Variants in TIPARP observed in about 807,000 individuals in gnomAD.
TIPARP encodes protein mono-ADP-ribosyltransferase TIPARP.
Under a neutral mutation model 56.5 loss-of-function variants are expected in TIPARP, and 12 were observed. The observed-to-expected ratio is 0.21, with a 90% confidence interval of 0.14 to 0.34. The LOEUF is 0.34. Ranked by LOEUF, TIPARP falls within the 10% of genes least tolerant of loss-of-function variation. TIPARP has a pLI of 1.00. For missense variants in TIPARP, 604 were observed against 781.6 expected, an observed-to-expected ratio of 0.77 and a Z score of 2.71; for synonymous variants, 296 against 265.7, an observed-to-expected ratio of 1.11 and a Z score of -1.11.
At chr3:156,701,949 G>A (rs1395830292) in intron 4 of TIPARP, among the ~76,000 whole-genome samples, 2 of 151,586 alleles carry the variant, frequency 1.3e-5, no homozygotes, top group African/African-American at 4.8e-5. Flanking sequence ...GGTTAGAGAC[G>A]GCAGTCATGC....
chr3:156,698,341 GACAAA>G (rs1722769551), intron 4 of TIPARP, among the ~76,000 whole-genome samples: 1 of 152,188 alleles, frequency 6.6e-6, no homozygotes, highest in Non-Finnish European at 1.5e-5. Context: ...TTTCAGTGTA[GACAAA>G]ACAAACTTAT....
intron 2 of TIPARP, among the ~76,000 whole-genome samples, chr3:156,682,472 C>T (rs1051143490): frequency 6.6e-6 from 1 of 152,180 alleles, no homozygotes; most frequent in East Asian, 1.9e-4. Flanking sequence ...TTTTTAAACT[C>T]TGTCCAAGGG....
Position 156,706,760 on chromosome 3 carries a change from A to T in TIPARP, c.*1629A>T, listed in dbSNP as rs1293406862. 6.6e-6 allele frequency: 1 copy of T among 152,508 alleles called. No homozygotes were observed. The highest frequency in any genetic ancestry group is 1.5e-5 in the Non-Finnish European group (1 of 68,032). 9.4% of individuals were successfully genotyped at this position (152,508 alleles called of 1,614,324 possible). A position where few individuals can be genotyped will look rare whatever the true frequency, so the allele number is the denominator to read the frequency against. The stretch of plus-strand genomic sequence containing the variant: ...CTAAGCAAAAATAAAACTTATGGTA[A>T]TTCTTTAAAATTTGTTGTTGTTTTG... On this transcript the variant is annotated 3_prime_UTR_variant, in exon 6 of 6. Coordinates refer to ENST00000295924, the MANE Select transcript of TIPARP (RefSeq NM_015508.5).
At chr3:156,678,701 C>A in intron 2 of TIPARP, 87 bp downstream of exon 2, 2 of 1,172,286 alleles carry the variant, frequency 1.7e-6, no homozygotes, top group South Asian at 1.6e-5. Flanking sequence ...TGGTTTCTTT[C>A]AGTAGTAACA....
At chr3:156,694,720 GC>G (rs1722669118) in intron 3 of TIPARP, among the ~76,000 whole-genome samples, 1 of 152,184 alleles carries the variant, frequency 6.6e-6, no homozygotes, top group African/African-American at 2.4e-5. Context: ...AGTGATAATA[GC>G]CCTTCAGTCT....
At chr3:156,691,130 C>T (rs1455313384) in intron 2 of TIPARP, among the ~76,000 whole-genome samples, 1 of 152,148 alleles carries the variant, frequency 6.6e-6, no homozygotes, top group Admixed American at 6.6e-5. Flanking sequence ...TAGTACCAAT[C>T]CTGTCTCCAC....
intron 2 of TIPARP, chr3:156,681,276 A>G (rs1722297419): frequency 1.8e-5 from 8 of 447,560 alleles, no homozygotes; most frequent in Non-Finnish European, 3.2e-5. Flanking sequence ...CAGATTGCGC[A>G]TAACCAGGAA....
chr3:156,699,948 G>A (rs1458228359), intron 4 of TIPARP, among the ~76,000 whole-genome samples: 1 of 152,140 alleles, frequency 6.6e-6, no homozygotes, highest in Admixed American at 6.5e-5. Context: ...GAAGGACCTA[G>A]TAGGGAGAAA....
At chr3:156,686,389 A>G (rs1722429059) in intron 2 of TIPARP, among the ~76,000 whole-genome samples, 3 of 152,206 alleles carry the variant, frequency 2.0e-5, no homozygotes, top group Admixed American at 2.0e-4. Flanking sequence ...AAACCTAGAC[A>G]ATAAAAAGAC....
Position 156,675,200 on chromosome 3 carries a change from A to G in TIPARP, c.-42+404A>G, listed in dbSNP as rs572334364. On this transcript the variant is annotated intron_variant, in intron 1 of 5. Transcript: ENST00000295924. Reference sequence around the variant, plus strand: ...CCCCGGGGGGGAGGGCACGGCAGCTACGGGAGCCTTCCGGCTACCCCGCGT... The same window carrying G: ...CCCCGGGGGGGAGGGCACGGCAGCTGCGGGAGCCTTCCGGCTACCCCGCGT... 15 of 152,130 alleles carry G rather than the reference A, an allele frequency of 9.9e-5. 2 individuals are homozygous for G. The East Asian group carries it at 2.9e-3, about 30-fold the overall frequency. The allele number at this position is 152,130 out of a possible 1,614,324, so 9.4% of individuals were successfully genotyped here. A position where few individuals can be genotyped will look rare whatever the true frequency, so the allele number is the denominator to read the frequency against.
At chr3:156,701,658 G>T (rs80213784) in intron 4 of TIPARP, among the ~76,000 whole-genome samples, 1 of 152,298 alleles carries the variant, frequency 6.6e-6, no homozygotes, top group South Asian at 2.1e-4. Context: ...TCAGGAAAGT[G>T]TACCAGTGAA....
At position 156,705,214 on chromosome 3, in the gene TIPARP, G is replaced by C; in HGVS notation, c.*83G>C. 250 of 479,634 alleles carry C rather than the reference G, an allele frequency of 5.2e-4. No individual in the cohort carries two copies. Among genetic ancestry groups the C allele is most frequent in the East Asian group, 1.1e-3 (20 of 18,720 alleles). 29.7% of individuals were successfully genotyped at this position (479,634 alleles called of 1,614,324 possible). On this transcript the variant is annotated 3_prime_UTR_variant, in exon 6 of 6. Coordinates refer to ENST00000295924, the MANE Select transcript of TIPARP (RefSeq NM_015508.5). ...TTTTGAATGGGTGGGACTGGGTGGG[G>C]AACAGCATTGGACATTAATAGGGCA...
At chr3:156,681,293 G>A (rs922420784) in intron 2 of TIPARP, 4 of 428,190 alleles carry the variant, frequency 9.3e-6, no homozygotes, top group African/African-American at 4.1e-5. Context: ...GGAAGTGTGT[G>A]TTCAGCTGTG....
intron 2 of TIPARP, among the ~76,000 whole-genome samples, chr3:156,684,652 G>A (rs960144416): frequency 2.6e-5 from 4 of 152,020 alleles, no homozygotes; most frequent in African/African-American, 9.7e-5. Flanking sequence ...GGCTCGTCTC[G>A]AACTCCCGAC....
intron 4 of TIPARP, among the ~76,000 whole-genome samples, chr3:156,702,044 G>GGTGGTGGTGGTGGTGGTGGTT: frequency 6.9e-6 from 1 of 145,412 alleles, no homozygotes; most frequent in Middle Eastern, 3.6e-3. Flanking sequence ...TGGTGGTGGT[G>GGTGGTGGTGGTGGTGGTGGTT]GTGGTGGTGG....
chr3:156,701,535 A>G (rs1395476834), intron 4 of TIPARP, among the ~76,000 whole-genome samples: 1 of 152,220 alleles, frequency 6.6e-6, no homozygotes, highest in Non-Finnish European at 1.5e-5. Context: ...GAGCTATTAA[A>G]TAAAAATAAG....
intron 2 of TIPARP, among the ~76,000 whole-genome samples, chr3:156,682,372 AGCTTTAGTT>A (rs1722330392): frequency 6.6e-6 from 1 of 152,004 alleles, no homozygotes; most frequent in South Asian, 2.1e-4. Context: ...TAAAAGAGGG[AGCTTTAGTT>A]GCTTTAAGGC....
intron 3 of TIPARP, among the ~76,000 whole-genome samples, chr3:156,694,457 A>G (rs2108494427): frequency 6.6e-6 from 1 of 152,328 alleles, no homozygotes; most frequent in Middle Eastern, 3.4e-3. Context: ...CATTATAGAG[A>G]TGAAATATTT....
intron 2 of TIPARP, among the ~76,000 whole-genome samples, chr3:156,686,197 G>GGCA (rs1177912784): frequency 6.6e-6 from 1 of 152,138 alleles, no homozygotes; most frequent in African/African-American, 2.4e-5. Flanking sequence ...TCCAAATGCT[G>GGCA]GCAGACATCA....
Sources: gnomAD v4.1 joint callset for allele counts (sites outside exome capture counted in the v4.1 genomes callset) on GRCh38, gnomAD v4.1.1 for gene constraint, MANE v1.5 for transcripts, NCBI Gene and HGNC (gene_info 2026-07-23, HGNC 2026-07-21) for gene names.